ADCY2: variants seen among roughly 807,000 people sequenced by gnomAD.
ADCY2 encodes adenylate cyclase type 2.
ADCY2 carries 31 observed loss-of-function variants against 125.2 expected under a neutral mutation model. The observed-to-expected ratio is 0.25, with a 90% CI of 0.19 to 0.33. The LOEUF is 0.33. Among genes scored for constraint, ADCY2 ranks in the 10% least tolerant of loss-of-function variants. The probability of loss-of-function intolerance (pLI) is 1.00; values close to 1 mark genes in which losing one functional copy is unlikely to be tolerated. For synonymous variants in ADCY2, 512 were observed against 548.4 expected, an observed-to-expected ratio of 0.93 and a Z score of 0.93; for missense variants, 904 against 1,418.2, an observed-to-expected ratio of 0.64 and a Z score of 5.82.
At chr5:7,577,577 A>G (rs945347493) in intron 3 of ADCY2, among the ~76,000 whole-genome samples, 5 of 152,160 alleles carry the variant, frequency 3.3e-5, no homozygotes, top group African/African-American at 1.2e-4. Context: ...GCCTGGCTCC[A>G]GTCATGAGTC....
At chr5:7,816,824 T>C in intron 22 of ADCY2, 42 bp from the exon 23 acceptor site, 1 of 1,532,318 alleles carries the variant, frequency 6.5e-7, no homozygotes, top group East Asian at 2.3e-5. Context: ...TTTCCAGCTG[T>C]GATGCTCTAA....
At chr5:7,705,091 G>A (rs981415156) in intron 7 of ADCY2, among the ~76,000 whole-genome samples, 7 of 152,182 alleles carry the variant, frequency 4.6e-5, no homozygotes, top group Admixed American at 2.0e-4. Flanking sequence ...AAACAGAAAC[G>A]CCACGTGGTT....
At chr5:7,672,584 C>T (rs1388087123) in intron 4 of ADCY2, among the ~76,000 whole-genome samples, 1 of 152,106 alleles carries the variant, frequency 6.6e-6, no homozygotes, top group African/African-American at 2.4e-5. Context: ...ACTACAGCCT[C>T]GACCTCCTGG....
chr5:7,647,009 CA>C lies in ADCY2; in HGVS notation c.720+20694del, dbSNP rs558829904. ...ATCCTCTGATGTGTTCAATCTGAAC[CA>C]GTTCCCCATAAAAAGTTATTGTAGG... On this transcript the variant is annotated intron_variant, in intron 4 of 24. Transcript: ENST00000338316. Among the ~76,000 whole-genome samples, 5 of 152,254 alleles carry C rather than the reference CA, an allele frequency of 3.3e-5. No homozygotes were observed. In the East Asian group the frequency reaches 9.7e-4, roughly 29 times the overall value.
intron 4 of ADCY2, among the ~76,000 whole-genome samples, chr5:7,649,356 G>A (rs1040837874): frequency 1.3e-5 from 2 of 152,194 alleles, no homozygotes; most frequent in Non-Finnish European, 2.9e-5. Context: ...AGCTCTCAAT[G>A]TTCTTCATTA....
Position 7,820,648 on chromosome 5 carries a change from G to A in ADCY2, c.3082G>A (p.Ala1028Thr). The A allele has an allele frequency of 6.2e-7, 1 of 1,614,044 alleles. No individual in the cohort carries two copies. Among genetic ancestry groups the A allele is most frequent in the Non-Finnish European group, 8.5e-7 (1 of 1,179,962 alleles). ...TATCTGGGGCAACACTGTCAATGTG[G>A]CCAGTAGGATGGACAGCACCGGAGT... ...YDIWGNTVNV[A>T]SRMDSTGVLD... is the part of the protein sequence containing the mutation. The change falls in exon 24 of 25, where the codon GCC becomes ACC. Residue 1028 changes from alanine to threonine, a missense_variant. Around this residue, in one of 7 missense-constraint regions of ADCY2, gnomAD observed 181 missense variants for 381.6 expected, o/e 0.47. Coordinates refer to ENST00000338316, the MANE Select transcript of ADCY2 (RefSeq NM_020546.3).
intron 4 of ADCY2, among the ~76,000 whole-genome samples, chr5:7,660,616 G>C (rs553138588): frequency 2.0e-5 from 3 of 152,186 alleles, no homozygotes; most frequent in Non-Finnish European, 4.4e-5. Context: ...GAAGGCTGGA[G>C]ACATAGGTAG....
chr5:7,443,170 A>G (rs1579447973), intron 2 of ADCY2, among the ~76,000 whole-genome samples: 1 of 151,884 alleles, frequency 6.6e-6, no homozygotes, highest in Non-Finnish European at 1.5e-5. Flanking sequence ...CATTGTTTTC[A>G]TGTATTTTTA....
intron 3 of ADCY2, among the ~76,000 whole-genome samples, chr5:7,594,653 T>A (rs191534370): frequency 1.3e-5 from 2 of 152,324 alleles, no homozygotes; most frequent in East Asian, 1.9e-4. Context: ...AAAACATAAA[T>A]CTTGATGAGA....
rs149921171 is a variant in ADCY2, at chr5:7,719,588, ATGTGT to A, written c.1703+2354_1703+2358del. 6.9e-3 allele frequency among the ~76,000 whole-genome samples: 1,044 copies of A among 152,292 alleles called. 5 individuals carry two copies. The highest frequency in any genetic ancestry group is 0.011 in the Non-Finnish European group (732 of 68,018). ...CAGATTTTTGCTTATTCATTCACTG[ATGTGT>A]TGAACACGCATTTGTTAAAAGACGA... is the stretch of plus-strand genomic sequence containing the variant. On this transcript the variant is annotated intron_variant, in intron 12 of 24. Transcript: ENST00000338316.
intron 2 of ADCY2, among the ~76,000 whole-genome samples, chr5:7,490,018 C>G (rs1743100086): frequency 6.6e-6 from 1 of 151,782 alleles, no homozygotes; most frequent in African/African-American, 2.4e-5. Flanking sequence ...TCATTTAATG[C>G]AGAAGTAAAG....
chr5:7,690,442 A>T (rs1302305623), intron 4 of ADCY2: 1 of 305,850 alleles, frequency 3.3e-6, no homozygotes, highest in Admixed American at 4.9e-5. Flanking sequence ...ATAACTTTGC[A>T]TCCCTTTATT....
At chr5:7,413,153 A>G (rs1466836699) in intron 1 of ADCY2, among the ~76,000 whole-genome samples, 1 of 151,958 alleles carries the variant, frequency 6.6e-6, no homozygotes, top group Non-Finnish European at 1.5e-5. Context: ...GTTGCTTGGT[A>G]TTTGCATGGA....
At chr5:7,759,415 C>T (rs1743121231) in intron 16 of ADCY2, among the ~76,000 whole-genome samples, 1 of 152,212 alleles carries the variant, frequency 6.6e-6, no homozygotes, top group South Asian at 2.1e-4. Context: ...GAGGGGCTCA[C>T]CAGGCAAGTC....
At chr5:7,735,240 T>C (rs1459944047) in intron 14 of ADCY2, among the ~76,000 whole-genome samples, 5 of 152,190 alleles carry the variant, frequency 3.3e-5, no homozygotes, top group East Asian at 3.9e-4. Flanking sequence ...GGTTGTCACA[T>C]ACTTTTCTAT....
chr5:7,530,553 G>A (rs1358524619), intron 3 of ADCY2, among the ~76,000 whole-genome samples: 3 of 152,106 alleles, frequency 2.0e-5, no homozygotes, highest in African/African-American at 7.2e-5. Flanking sequence ...CTGCCGCGAA[G>A]CTGTTTTAAA....
At position 7,773,045 on chromosome 5, in the gene ADCY2, C is replaced by T; in HGVS notation, c.2328C>T (p.Ile776=). 3 of 1,614,178 alleles carry T rather than the reference C, an allele frequency of 1.9e-6. No homozygotes were observed. The highest frequency in any genetic ancestry group is 2.5e-6 in the Non-Finnish European group (3 of 1,180,030). ...TGGCCTTGGTGGGCTACAACACCAT[C>T]CTACTCCACACCCACGCCCACGTCC... ...MMVALVGYNT[I]LLHTHAHVLG... is the part of the protein sequence containing the mutation. Residue 776 remains isoleucine, a synonymous_variant, in exon 18 of 25, where the codon ATC becomes ATT. Transcript: ENST00000338316.
At chr5:7,739,223 G>C (rs1331257715) in intron 14 of ADCY2, among the ~76,000 whole-genome samples, 2 of 151,744 alleles carry the variant, frequency 1.3e-5, no homozygotes, top group South Asian at 2.1e-4. Context: ...AAATCATATA[G>C]TCTGACGTCT....
intron 4 of ADCY2, among the ~76,000 whole-genome samples, chr5:7,670,541 A>G (rs1302571254): frequency 6.6e-6 from 1 of 152,214 alleles, no homozygotes; most frequent in Non-Finnish European, 1.5e-5. Context: ...TACTAGAAAT[A>G]TATGCTCAAT....
Sources: allele counts gnomAD v4.1 joint callset (sites outside exome capture counted in the v4.1 genomes callset), GRCh38; gene constraint gnomAD v4.1.1; regional missense constraint gnomAD v4.1.1; transcripts MANE v1.5; gene names NCBI Gene and HGNC (gene_info 2026-07-23, HGNC 2026-07-21).